Variants in TACC1 observed in about 807,000 individuals in gnomAD.
The protein encoded by TACC1 is transforming acidic coiled-coil-containing protein 1.
In TACC1, 48 loss-of-function variants were observed where a neutral mutation model predicts 84.4. That is an observed-to-expected ratio of 0.57 (90% CI 0.45 to 0.72). TACC1 has a LOEUF of 0.72. Ranked by LOEUF, TACC1 falls within the 30% of genes least tolerant of loss-of-function variation. The pLI is 0.00. For missense variants in TACC1, 920 were observed against 973.0 expected, an observed-to-expected ratio of 0.95 and a Z score of 0.72; for synonymous variants, 372 against 376.3, an observed-to-expected ratio of 0.99 and a Z score of 0.13.
intron 2 of TACC1, among the ~76,000 whole-genome samples, chr8:38,797,742 G>A (rs1476735183): frequency 6.6e-6 from 1 of 152,172 alleles, no homozygotes; most frequent in African/African-American, 2.4e-5. Context: ...TGGTTGTTTG[G>A]CAGCAACAGA....
intron 4 of TACC1, 67 bp downstream of exon 4, chr8:38,825,435 C>G (rs1827831304): frequency 6.4e-7 from 1 of 1,570,088 alleles, no homozygotes; most frequent in Non-Finnish European, 8.8e-7. Context: ...TTTGCATCCC[C>G]CTGGCGGGTG....
At chr8:38,739,406 G>A (rs1806635670) in intron 1 of TACC1, among the ~76,000 whole-genome samples, 1 of 152,172 alleles carries the variant, frequency 6.6e-6, no homozygotes, top group South Asian at 2.1e-4. Flanking sequence ...TGGTTAACGT[G>A]GATCCCCATG....
upstream of TACC1, among the ~76,000 whole-genome samples, chr8:38,783,066 A>ATATCTATCTATCTATCTATC (rs58057050): frequency 7.4e-6 from 1 of 135,410 alleles, no homozygotes; most frequent in Non-Finnish European, 1.6e-5. Context: ...TGTAGTGTAA[A>ATATCTATCTATCTATCTATC]TATCTATCTA....
At chr8:38,823,769 G>C (rs1168755644) in intron 3 of TACC1, among the ~76,000 whole-genome samples, 1 of 152,184 alleles carries the variant, frequency 6.6e-6, no homozygotes, top group Non-Finnish European at 1.5e-5. Context: ...TGGCATTTCT[G>C]AGTGTTTCTA....
intron 1 of TACC1, among the ~76,000 whole-genome samples, chr8:38,729,179 C>T (rs1804422674): frequency 6.6e-6 from 1 of 152,178 alleles, no homozygotes; most frequent in South Asian, 2.1e-4. Context: ...GCCATGTATT[C>T]TTCTGGCCCA....
At position 38,848,373 on chromosome 8, in the gene TACC1, T is replaced by TG. The variant is rs200353226; in HGVS notation, c.*354dup. On this transcript the variant is annotated 3_prime_UTR_variant, in exon 13 of 13. Transcript: ENST00000317827. ...ATGTGTTAAATTTGTAACTCCTCTT[T>TG]GGGGTCTTCTCCACCACCTGTCTGA... is the stretch of plus-strand genomic sequence containing the variant. The TG allele has an allele frequency of 0.022, 3,756 of 174,602 alleles. 134 individuals are homozygous for TG. Among genetic ancestry groups the TG allele is most frequent in the African/African-American group, 0.075 (3,197 of 42,468 alleles). The allele number at this position is 174,602 out of a possible 1,614,324, so 10.8% of individuals were successfully genotyped here. A position where few individuals can be genotyped will look rare whatever the true frequency, so the allele number is the denominator to read the frequency against.
intron 3 of TACC1, among the ~76,000 whole-genome samples, chr8:38,762,371 A>G (rs1041259759): frequency 5.3e-5 from 8 of 152,210 alleles, no homozygotes; most frequent in African/African-American, 1.9e-4. Context: ...GTGGAAATGT[A>G]CAGTATTTGT....
chr8:38,759,952 A>G (rs1810883125), intron 3 of TACC1, among the ~76,000 whole-genome samples: 1 of 152,188 alleles, frequency 6.6e-6, no homozygotes. Context: ...CCTGCCGAAC[A>G]TATGGCTGTC....
intron 2 of TACC1, among the ~76,000 whole-genome samples, chr8:38,810,843 A>G (rs1362991405): frequency 6.6e-6 from 1 of 152,170 alleles, no homozygotes; most frequent in Non-Finnish European, 1.5e-5. Context: ...CAGGCCAGGC[A>G]TGGTGGCTCA....
At chr8:38,818,470 A>G (rs916376994) in intron 2 of TACC1, among the ~76,000 whole-genome samples, 9 of 152,204 alleles carry the variant, frequency 5.9e-5, no homozygotes, top group African/African-American at 2.2e-4. Flanking sequence ...TATTTGCAGC[A>G]CTTATCCTAG....
rs1819095766 is a variant in TACC1 at position 38,792,985 on chromosome 8, C to T, written c.277+4166C>T. 2.0e-5 allele frequency among the ~76,000 whole-genome samples: 3 copies of T among 152,130 alleles called. No homozygotes were observed. In the South Asian group the frequency reaches 6.2e-4, roughly 32 times the overall value. On this transcript the variant is annotated intron_variant, in intron 2 of 12. Coordinates refer to ENST00000317827, the MANE Select transcript of TACC1 (RefSeq NM_006283.3). The stretch of plus-strand genomic sequence containing the variant: ...AGTCACAAAAACTGCAGTGGGTGCC[C>T]TCTGCCCCTTGAGTTTCTCCTTCAC...
In TACC1 at chr8:38,787,755, G is replaced by C. The variant is rs1466763113; in HGVS notation, c.161+12G>C. ...TCCTTGAGTTTCAGGCAAGTACACG[G>C]CGTCCCCGCTGAGATGCAGACGCGC... On this transcript the variant is annotated intron_variant, in intron 1 of 12. Transcript: ENST00000317827. 1 of 1,516,962 alleles carries C rather than the reference G, an allele frequency of 6.6e-7. No homozygotes were observed. The highest frequency in any genetic ancestry group is 8.8e-7 in the Non-Finnish European group (1 of 1,141,008). 94.0% of individuals were successfully genotyped at this position (1,516,962 alleles called of 1,614,324 possible).
At chr8:38,745,856 G>A (rs186388302) in intron 3 of TACC1, among the ~76,000 whole-genome samples, 1 of 151,324 alleles carries the variant, frequency 6.6e-6, no homozygotes, top group East Asian at 2.0e-4. Flanking sequence ...GTTTTCTGGG[G>A]TTTTGTTGAG....
chr8:38,827,112 T>G, intron 4 of TACC1, 56 bp from the exon 5 acceptor site: 1 of 1,511,762 alleles, frequency 6.6e-7, no homozygotes, highest in Non-Finnish European at 9.1e-7. Flanking sequence ...GGGATGTCAC[T>G]TTTCCCCATT....
intron 2 of TACC1, among the ~76,000 whole-genome samples, chr8:38,789,275 G>A (rs903504108): frequency 1.3e-5 from 2 of 152,184 alleles, no homozygotes; most frequent in Admixed American, 6.5e-5. Flanking sequence ...GGGATGTGGT[G>A]AGAGCCCTTC....
At chr8:38,836,460 G>C (rs544003373) in intron 7 of TACC1, among the ~76,000 whole-genome samples, 173 bp downstream of exon 7, 78 of 152,266 alleles carry the variant, frequency 5.1e-4, no homozygotes, top group African/African-American at 1.6e-3. Context: ...CTGGAGTCCT[G>C]ACATTCTGGT....
intron 3 of TACC1, among the ~76,000 whole-genome samples, chr8:38,778,776 T>G (rs1312000129): frequency 1.3e-5 from 2 of 152,210 alleles, no homozygotes; most frequent in African/African-American, 2.4e-5. Flanking sequence ...GAGAGGCTCC[T>G]GGGTGTCATT....
At position 38,787,665 on chromosome 8, in the gene TACC1, G is replaced by T. The variant is rs1275823854; in HGVS notation, c.83G>T (p.Gly28Val). 8 of 1,550,202 alleles carry T rather than the reference G, an allele frequency of 5.2e-6. No homozygotes were observed. In the East Asian group the frequency reaches 1.7e-4, roughly 33 times the overall value. Reference sequence around the variant, plus strand: ...TCTGCGGTACGCGGCGGGGCCGCCGGCGAGGACGAGGCTGGCGGGCCCGAG... The same window carrying T: ...TCTGCGGTACGCGGCGGGGCCGCCGTCGAGGACGAGGCTGGCGGGCCCGAG... ...TWSAVRGGAAGEDEAGGPEGD... is the reference protein window; with the variant it reads ...TWSAVRGGAAVEDEAGGPEGD... Residue 28 changes from glycine (G) to valine (V), a missense_variant, in exon 1 of 13, where the codon GGC (glycine) becomes GTC (valine). By Grantham distance (109) the Gly-to-Val change is moderately radical. Around this residue, in one of 2 missense-constraint regions of TACC1, gnomAD observed 762 missense variants for 747.3 expected, o/e 1.02. Coordinates refer to ENST00000317827, the MANE Select transcript of TACC1 (RefSeq NM_006283.3).
At chr8:38,729,011 T>C (rs892899393) in intron 1 of TACC1, among the ~76,000 whole-genome samples, 15 of 152,222 alleles carry the variant, frequency 9.9e-5, no homozygotes, top group Non-Finnish European at 1.8e-4. Context: ...CCTTTGCTTC[T>C]CTCTTCTCTT....
Sources: allele counts gnomAD v4.1 joint callset (sites outside exome capture counted in the v4.1 genomes callset), GRCh38; gene constraint gnomAD v4.1.1; regional missense constraint gnomAD v4.1.1; transcripts MANE v1.5; gene names NCBI Gene and HGNC (gene_info 2026-07-23, HGNC 2026-07-21).